DSCAM: variants seen among roughly 807,000 people sequenced by gnomAD.
DSCAM encodes cell adhesion molecule DSCAM.
DSCAM carries 47 observed loss-of-function variants against 217.7 expected under a neutral mutation model. The observed-to-expected ratio is 0.22, with a 90% CI of 0.17 to 0.28. The LOEUF (loss-of-function observed/expected upper bound fraction) is 0.28, where lower values mean the gene tolerates loss of function less well. Among genes scored for constraint, DSCAM ranks in the 10% least tolerant of loss-of-function variants. The pLI is 1.00. For synonymous variants in DSCAM, 1,056 were observed against 1,015.3 expected (o/e 1.04, Z -0.76); for missense variants, 2,080 against 2,618.3 (o/e 0.79, Z 4.49).
chr21:40,251,812 T>G (rs1468958457), intron 11 of DSCAM, among the ~76,000 whole-genome samples: 5 of 152,340 alleles, frequency 3.3e-5, no homozygotes, highest in African/African-American at 9.6e-5. Flanking sequence ...ATCTTTCAAC[T>G]CTCTCTGTTG....
At position 40,096,449 on chromosome 21, in the gene DSCAM, T is replaced by C. The variant is rs558528630; in HGVS notation, c.3697-2575A>G. Among the ~76,000 whole-genome samples, 6 of 152,282 alleles carry C rather than the reference T, an allele frequency of 3.9e-5. No homozygotes were observed. The East Asian group carries it at 1.2e-3, about 29-fold the overall frequency. On this transcript the variant is annotated intron_variant, in intron 20 of 32. Coordinates refer to ENST00000400454, the MANE Select transcript of DSCAM (RefSeq NM_001389.5). The stretch of plus-strand genomic sequence containing the variant: ...AACTGCCTAAATTGACTGAGACCTG[T>C]CTCAGATATTTGAGGTTCACAACAC...
intron 3 of DSCAM, among the ~76,000 whole-genome samples, chr21:40,590,321 T>C (rs2076975129): frequency 6.6e-6 from 1 of 152,248 alleles, no homozygotes; most frequent in African/African-American, 2.4e-5. Context: ...AGGTCCACTT[T>C]CTTAACCCAT....
At chr21:40,674,846 T>A (rs2090319779) in intron 3 of DSCAM, among the ~76,000 whole-genome samples, 1 of 152,086 alleles carries the variant, frequency 6.6e-6, no homozygotes, top group Admixed American at 6.5e-5. Context: ...TTAGCCAGGA[T>A]GGTCTTGACC....
At chr21:40,020,530 T>A (rs2975107) in intron 32 of DSCAM, among the ~76,000 whole-genome samples, 28,418 of 148,580 alleles carry the variant, frequency 0.19, 2,771 homozygotes, top group South Asian at 0.34. Context: ...TGTGTGTGTG[T>A]GAGAGAGAGA....
intron 3 of DSCAM, among the ~76,000 whole-genome samples, chr21:40,544,437 T>C (rs1280932633): frequency 6.6e-6 from 1 of 152,186 alleles, no homozygotes; most frequent in African/African-American, 2.4e-5. Flanking sequence ...GAAATCATCC[T>C]GAATTTAGGG....
chr21:40,751,261 A>AT (rs1457329981), intron 1 of DSCAM, among the ~76,000 whole-genome samples: 1 of 152,136 alleles, frequency 6.6e-6, no homozygotes, highest in African/African-American at 2.4e-5. Flanking sequence ...CTCCCTTAAA[A>AT]TTACTCTTCT....
chr21:40,706,128 C>T lies in DSCAM; in HGVS notation c.361+2326G>A, dbSNP rs367958406. On this transcript the variant is annotated intron_variant, in intron 2 of 32. Transcript: ENST00000400454. ...CCGGGAGGTGGAGCTTGCAGTGAGC[C>T]GAGATCGCGCGACTGCACTCCAGCC... 2.4e-3 allele frequency among the ~76,000 whole-genome samples: 360 copies of T among 148,128 alleles called. 2 individuals are homozygous for T. Among genetic ancestry groups the T allele is most frequent in the African/African-American group, 8.1e-3 (324 of 39,776 alleles).
intron 1 of DSCAM, among the ~76,000 whole-genome samples, chr21:40,791,489 C>A (rs1324772109): frequency 6.6e-6 from 1 of 151,520 alleles, no homozygotes; most frequent in South Asian, 2.1e-4. Flanking sequence ...CCCGTCTGTA[C>A]TAAAAATACA....
At chr21:40,475,858 A>T (rs192149371) in intron 3 of DSCAM, among the ~76,000 whole-genome samples, 12,013 of 149,900 alleles carry the variant, frequency 0.08, 620 homozygotes, top group Non-Finnish European at 0.12. Context: ...AATAAAATTT[A>T]AAAAAAAACA....
chr21:40,326,833 C>T (rs1189196288), intron 8 of DSCAM, among the ~76,000 whole-genome samples: 1 of 151,450 alleles, frequency 6.6e-6, no homozygotes, highest in Non-Finnish European at 1.5e-5. Context: ...GATTTATAGC[C>T]CTAAGATTCT....
rs1433758911 is a variant in DSCAM at position 40,482,290 on chromosome 21, A to AC, written c.509-113046dup. Reference sequence around the variant, plus strand: ...TGTACACTTATGTAGTGTCAGAAGCACTTTTTCTAACATGTAGCTTTATGC... The same window carrying AC: ...TGTACACTTATGTAGTGTCAGAAGCACCTTTTTCTAACATGTAGCTTTATGC... On this transcript the variant is annotated intron_variant, in intron 3 of 32. Coordinates refer to ENST00000400454, the MANE Select transcript of DSCAM (RefSeq NM_001389.5). Among the ~76,000 whole-genome samples the AC allele has an allele frequency of 8.5e-5, 13 of 152,246 alleles. No individual in the cohort carries two copies. The East Asian group carries it at 2.5e-3, about 29-fold the overall frequency.
intron 1 of DSCAM, among the ~76,000 whole-genome samples, chr21:40,775,422 G>C (rs867552964): frequency 2.0e-5 from 3 of 152,114 alleles, no homozygotes; most frequent in Non-Finnish European, 4.4e-5. Flanking sequence ...TCCAGAAGAG[G>C]TTACCGTATG....
intron 25 of DSCAM, among the ~76,000 whole-genome samples, 176 bp from the exon 26 acceptor site, chr21:40,079,153 C>T (rs571806575): frequency 1.3e-5 from 2 of 152,198 alleles, no homozygotes; most frequent in Non-Finnish European, 2.9e-5. Flanking sequence ...GACCAACAGG[C>T]TTTCTCCAAC....
chr21:40,612,389 A>G (rs190467393), intron 3 of DSCAM, among the ~76,000 whole-genome samples: 1 of 152,288 alleles, frequency 6.6e-6, no homozygotes, highest in Admixed American at 6.5e-5. Context: ...AAGTGTGACT[A>G]CCCAGAAAGC....
intron 3 of DSCAM, among the ~76,000 whole-genome samples, chr21:40,607,165 C>T (rs532214712): frequency 6.6e-6 from 1 of 152,288 alleles, no homozygotes; most frequent in East Asian, 1.9e-4. Flanking sequence ...TTCTTACATA[C>T]CTTTTCAGAA....
At chr21:40,310,113 G>A (rs1318542838) in intron 9 of DSCAM, among the ~76,000 whole-genome samples, 3 of 152,204 alleles carry the variant, frequency 2.0e-5, no homozygotes, top group Non-Finnish European at 4.4e-5. Context: ...TAATTGACAG[G>A]AGCTTCATCC....
intron 1 of DSCAM, among the ~76,000 whole-genome samples, chr21:40,815,842 T>C (rs1884912131): frequency 6.6e-6 from 1 of 152,184 alleles, no homozygotes; most frequent in Non-Finnish European, 1.5e-5. Flanking sequence ...TGCTCATCTG[T>C]AAAGGGGAGA....
rs559408357 is a variant in DSCAM, at chr21:40,570,780, TAGAAG to T, written c.508+122025_508+122029del. Among the ~76,000 whole-genome samples, 861 of 151,886 alleles carry T rather than the reference TAGAAG, an allele frequency of 5.7e-3. 7 individuals carry two copies. The highest frequency in any genetic ancestry group is 0.019 in the African/African-American group (768 of 41,396). On this transcript the variant is annotated intron_variant, in intron 3 of 32. Transcript: ENST00000400454. ...GATGGGCTTAATAGCAGACTGGACA[TAGAAG>T]AGAAAAGAATCAAAGGCAGGCCAAT...
At chr21:40,101,531 C>T (rs1355937919) in intron 20 of DSCAM, among the ~76,000 whole-genome samples, 3 of 151,930 alleles carry the variant, frequency 2.0e-5, no homozygotes, top group Non-Finnish European at 2.9e-5. Context: ...CTCAGATCAT[C>T]AGGCATTAGT....
Sources: allele counts gnomAD v4.1 joint callset (sites outside exome capture counted in the v4.1 genomes callset), GRCh38; gene constraint gnomAD v4.1.1; transcripts MANE v1.5; gene names NCBI Gene and HGNC (gene_info 2026-07-23, HGNC 2026-07-21).